The following NCAM1 variants were observed in gnomAD, a reference collection of about 807,000 sequenced individuals.
NCAM1 encodes antigen recognized by monoclonal antibody 5.1H11.
A neutral mutation model predicts 109.8 loss-of-function variants in NCAM1; 14 were observed. The observed-to-expected ratio is 0.13, with a 90% confidence interval of 0.08 to 0.20. The LOEUF is 0.20. Ranked by LOEUF, NCAM1 falls within the 10% of genes least tolerant of loss-of-function variation. NCAM1 has a pLI of 1.00. For missense variants in NCAM1, 774 were observed against 1,109.9 expected, an observed-to-expected ratio of 0.70 and a Z score of 4.30; for synonymous variants, 418 against 442.9, an observed-to-expected ratio of 0.94 and a Z score of 0.70.
chr11:113,064,946 G>C (rs577641954), intron 1 of NCAM1, among the ~76,000 whole-genome samples: 1 of 152,100 alleles, frequency 6.6e-6, no homozygotes, highest in Non-Finnish European at 1.5e-5. Flanking sequence ...AGCTGAGAGG[G>C]CTTACAAGAA....
chr11:113,143,124 A>G (rs894865424), intron 1 of NCAM1, among the ~76,000 whole-genome samples: 1 of 152,208 alleles, frequency 6.6e-6, no homozygotes, highest in Non-Finnish European at 1.5e-5. Flanking sequence ...GAAAATTAAC[A>G]CGAATTCTCT....
rs116112129 is a variant in NCAM1 at position 113,132,037 on chromosome 11, A to T, written c.53-70342A>T. Among the ~76,000 whole-genome samples, 451 of 152,276 alleles carry T rather than the reference A, an allele frequency of 3.0e-3. 2 individuals are homozygous for T. The highest frequency in any genetic ancestry group is 0.01 in the African/African-American group (425 of 41,560). On this transcript the variant is annotated intron_variant, in intron 1 of 19. Coordinates refer to ENST00000316851, the MANE Select transcript of NCAM1 (RefSeq NM_181351.5). Reference sequence around the variant, plus strand: ...TTCTGTGCTTGTTTCTGTTCAGATGAGGAGAGGGACAGAGATGGTTTTTAG... The same window carrying T: ...TTCTGTGCTTGTTTCTGTTCAGATGTGGAGAGGGACAGAGATGGTTTTTAG...
intron 6 of NCAM1, among the ~76,000 whole-genome samples, 187 bp from the exon 7 acceptor site, chr11:113,207,646 G>T (rs1264297694): frequency 6.6e-6 from 1 of 152,182 alleles, no homozygotes; most frequent in Non-Finnish European, 1.5e-5. Flanking sequence ...GCAGCCCTTG[G>T]ATAGTCAGAG....
At chr11:113,171,171 A>G (rs1364786877) in intron 1 of NCAM1, among the ~76,000 whole-genome samples, 1 of 152,192 alleles carries the variant, frequency 6.6e-6, no homozygotes, top group Admixed American at 6.5e-5. Flanking sequence ...TTCATTTTGC[A>G]AAGATGGAAA....
chr11:112,964,032 GT>G (rs201733167), intron 1 of NCAM1, among the ~76,000 whole-genome samples: 1 of 150,076 alleles, frequency 6.7e-6, no homozygotes, highest in African/African-American at 2.5e-5. Flanking sequence ...TTGTACCATA[GT>G]TTTTTTTTAA....
At chr11:112,986,140 A>G (rs1400268518) in intron 1 of NCAM1, among the ~76,000 whole-genome samples, 1 of 152,020 alleles carries the variant, frequency 6.6e-6, no homozygotes, top group Non-Finnish European at 1.5e-5. Context: ...AATTTTGTCA[A>G]ATGCTTTTTC....
chr11:113,163,601 G>A (rs1224405609), intron 1 of NCAM1, among the ~76,000 whole-genome samples: 1 of 152,182 alleles, frequency 6.6e-6, no homozygotes, highest in Non-Finnish European at 1.5e-5. Context: ...GATGTGTCCA[G>A]CCTTGTCTCA....
intron 1 of NCAM1, among the ~76,000 whole-genome samples, chr11:112,989,131 T>C (rs1766180479): frequency 6.6e-6 from 1 of 152,138 alleles, no homozygotes; most frequent in Non-Finnish European, 1.5e-5. Flanking sequence ...GCTTCATTAA[T>C]CTAGATGTGT....
chr11:113,155,524 A>C lies in NCAM1; in HGVS notation c.53-46855A>C, dbSNP rs182183005. On this transcript the variant is annotated intron_variant, in intron 1 of 19. Coordinates refer to ENST00000316851, the MANE Select transcript of NCAM1 (RefSeq NM_181351.5). ...GCTCCATCTTAAAAAAAAAAACAAA[A>C]AACAAAAAACAAAAAAAATAGTCTT... Among the ~76,000 whole-genome samples the C allele has an allele frequency of 2.2e-4, 34 of 151,944 alleles. No individual in the cohort carries two copies. In the South Asian group the frequency reaches 5.2e-3, roughly 23 times the overall value.
At position 113,177,364 on chromosome 11, in the gene NCAM1, G is replaced by A. The variant is rs549431819; in HGVS notation, c.53-25015G>A. Reference sequence around the variant, plus strand: ...GAAATTCCACCAGAAAATAAGATGGGATTTGTTTTCGCCAAAAAAAACCAC... The same window carrying A: ...GAAATTCCACCAGAAAATAAGATGGAATTTGTTTTCGCCAAAAAAAACCAC... On this transcript the variant is annotated intron_variant, in intron 1 of 19. Coordinates refer to ENST00000316851, the MANE Select transcript of NCAM1 (RefSeq NM_181351.5). Among the ~76,000 whole-genome samples the A allele has an allele frequency of 1.1e-3, 170 of 152,196 alleles. 1 individual carries two copies. Among genetic ancestry groups the A allele is most frequent in the South Asian group, 8.9e-3 (43 of 4,818 alleles).
intron 1 of NCAM1, among the ~76,000 whole-genome samples, chr11:112,998,918 T>C (rs2134948140): frequency 6.6e-6 from 1 of 152,296 alleles, no homozygotes; most frequent in Non-Finnish European, 1.5e-5. Flanking sequence ...CTAAAGAGTT[T>C]CCTCTATACT....
chr11:113,068,636 A>G lies in NCAM1; in HGVS notation c.52+106972A>G, dbSNP rs79490005. Reference sequence around the variant, plus strand: ...AATTCCACGGTCTAATCCTTGCTCTATCTCTAGTGCAAATGCCAGATCTTC... The same window carrying G: ...AATTCCACGGTCTAATCCTTGCTCTGTCTCTAGTGCAAATGCCAGATCTTC... On this transcript the variant is annotated intron_variant, in intron 1 of 19. Coordinates refer to ENST00000316851, the MANE Select transcript of NCAM1 (RefSeq NM_181351.5). Among the ~76,000 whole-genome samples the G allele has an allele frequency of 4.4e-3, 675 of 152,294 alleles. 7 individuals carry two copies. The highest frequency in any genetic ancestry group is 0.016 in the African/African-American group (651 of 41,552).
chr11:113,148,059 GA>G (rs1555101655), intron 1 of NCAM1, among the ~76,000 whole-genome samples: 2 of 152,108 alleles, frequency 1.3e-5, no homozygotes, highest in Non-Finnish European at 1.5e-5. Flanking sequence ...CATATTTTTT[GA>G]GTACCACACA....
chr11:113,075,341 A>T (rs1303667700), intron 1 of NCAM1, among the ~76,000 whole-genome samples: 3 of 152,082 alleles, frequency 2.0e-5, no homozygotes, highest in African/African-American at 4.8e-5. Context: ...AAGTGCTGAG[A>T]TTACAGGTGT....
In NCAM1 at chr11:113,241,061, T is replaced by C. The variant is rs191115691; in HGVS notation, c.1826-5307T>C. ...GGCGAGGGAAAAGCATTGTTCTGGA[T>C]AGAAAACCCTGCAGGCAGGATCCCC... On this transcript the variant is annotated intron_variant, in intron 14 of 19. Coordinates refer to ENST00000316851, the MANE Select transcript of NCAM1 (RefSeq NM_181351.5). Among the ~76,000 whole-genome samples, 22 of 152,274 alleles carry C rather than the reference T, an allele frequency of 1.4e-4. No homozygotes were observed. In the East Asian group the frequency reaches 4.3e-3, roughly 30 times the overall value.
At chr11:113,226,733 T>C (rs1944860973) in intron 9 of NCAM1, among the ~76,000 whole-genome samples, 1 of 152,212 alleles carries the variant, frequency 6.6e-6, no homozygotes, top group African/African-American at 2.4e-5. Context: ...AAACTGTCTC[T>C]CAGACCACAG....
rs184473407 is a variant in NCAM1, at chr11:113,229,410, G to A, written c.1090-2235G>A. Among the ~76,000 whole-genome samples the A allele has an allele frequency of 3.7e-3, 567 of 152,222 alleles. 3 individuals carry two copies. The highest frequency in any genetic ancestry group is 0.012 in the African/African-American group (490 of 41,546). ...ACTATCTCATACCAGTTAGAATGGCGATCATTAAAAAGTCAGGAAACAACA... is the reference window on the plus strand; with the variant it reads ...ACTATCTCATACCAGTTAGAATGGCAATCATTAAAAAGTCAGGAAACAACA... On this transcript the variant is annotated intron_variant, in intron 9 of 19. Transcript: ENST00000316851.
At chr11:113,232,614 C>A in intron 11 of NCAM1, 104 bp from the exon 12 acceptor site, 1 of 984,896 alleles carries the variant, frequency 1.0e-6, no homozygotes, top group Non-Finnish European at 1.6e-6. Flanking sequence ...ATGATTTATA[C>A]TTTACTAGTT....
At chr11:113,029,516 C>T (rs1591263621) in intron 1 of NCAM1, among the ~76,000 whole-genome samples, 2 of 152,162 alleles carry the variant, frequency 1.3e-5, no homozygotes, top group Admixed American at 6.5e-5. Context: ...GATTTTAGAA[C>T]GCAGTGGGGT....
Sources: gnomAD v4.1 joint callset for allele counts (sites outside exome capture counted in the v4.1 genomes callset) on GRCh38, gnomAD v4.1.1 for gene constraint, MANE v1.5 for transcripts, NCBI Gene and HGNC (gene_info 2026-07-23, HGNC 2026-07-21) for gene names.